The following ADAM12 variants were observed in gnomAD, a reference collection of about 807,000 sequenced individuals.
The protein encoded by ADAM12 is ADAM metallopeptidase domain 12.
A neutral mutation model predicts 106.4 loss-of-function variants in ADAM12; 70 were observed. The observed-to-expected ratio is 0.66, with a 90% CI of 0.54 to 0.80. The LOEUF is 0.80. Among genes scored for constraint, ADAM12 ranks in the 30% least tolerant of loss-of-function variants. ADAM12 has a pLI of 0.00. For synonymous variants in ADAM12, 420 were observed against 433.5 expected, an observed-to-expected ratio of 0.97 and a Z score of 0.39; for missense variants, 1,010 against 1,171.9, an observed-to-expected ratio of 0.86 and a Z score of 2.02.
intron 18 of ADAM12, 108 bp from the exon 19 acceptor site, chr10:126,039,537 AAG>A (rs1460996984): frequency 2.2e-6 from 3 of 1,363,670 alleles, no homozygotes; most frequent in East Asian, 4.8e-5. Flanking sequence ...AACAGAAATG[AAG>A]AGAGTACACC....
intron 1 of ADAM12, among the ~76,000 whole-genome samples, chr10:126,343,991 AG>A (rs910343294): frequency 6.6e-6 from 1 of 152,180 alleles, no homozygotes; most frequent in Non-Finnish European, 1.5e-5. Context: ...CTCTGATGGT[AG>A]TTTCTTTTGC....
At chr10:126,130,624 G>A (rs1011884207) in intron 5 of ADAM12, among the ~76,000 whole-genome samples, 9 of 152,202 alleles carry the variant, frequency 5.9e-5, no homozygotes, top group African/African-American at 1.9e-4. Context: ...TCTGGCCAGC[G>A]AGGTCGTCAC....
intron 3 of ADAM12, among the ~76,000 whole-genome samples, chr10:126,178,608 T>C (rs140894114): frequency 6.6e-6 from 1 of 152,158 alleles, no homozygotes; most frequent in African/African-American, 2.4e-5. Flanking sequence ...AGAAACAGGC[T>C]TCAGAGAGAA....
At position 126,208,650 on chromosome 10, in the gene ADAM12, C is replaced by T. The variant is rs370542524; in HGVS notation, c.261-53345G>A. On this transcript the variant is annotated intron_variant, in intron 3 of 22. Transcript: ENST00000448723. ...CATGTTTATTGGGGGATAAAATCTACACTCCAAAATTCAGGTAGAAGAGAA... is the reference window on the plus strand; with the variant it reads ...CATGTTTATTGGGGGATAAAATCTATACTCCAAAATTCAGGTAGAAGAGAA... Among the ~76,000 whole-genome samples the T allele has an allele frequency of 2.6e-5, 4 of 152,160 alleles. No homozygotes were observed. In the East Asian group the frequency reaches 5.8e-4, roughly 22 times the overall value.
intron 11 of ADAM12, among the ~76,000 whole-genome samples, chr10:126,072,336 C>T (rs1026435031): frequency 1.3e-5 from 2 of 152,176 alleles, no homozygotes; most frequent in Non-Finnish European, 2.9e-5. Context: ...TTATGCTCCC[C>T]TTCTGTGCTC....
At chr10:126,146,242 G>T (rs1350531654) in intron 4 of ADAM12, among the ~76,000 whole-genome samples, 1 of 152,234 alleles carries the variant, frequency 6.6e-6, no homozygotes, top group Non-Finnish European at 1.5e-5. Flanking sequence ...CACTGGTGTT[G>T]AGTGCCTCGG....
chr10:126,251,623 T>TG (rs1958758683), intron 3 of ADAM12, among the ~76,000 whole-genome samples: 3 of 139,404 alleles, frequency 2.2e-5, no homozygotes, highest in Non-Finnish European at 4.7e-5. Flanking sequence ...CATGGATAGA[T>TG]GAATGGATGG....
chr10:126,221,790 C>T (rs1958099500), intron 3 of ADAM12, among the ~76,000 whole-genome samples: 1 of 152,174 alleles, frequency 6.6e-6, no homozygotes. Context: ...TTCTCATTCT[C>T]CCCAAAGAAT....
chr10:126,165,812 G>A (rs1407964667), intron 3 of ADAM12, among the ~76,000 whole-genome samples: 2 of 152,126 alleles, frequency 1.3e-5, no homozygotes, highest in Non-Finnish European at 2.9e-5. Flanking sequence ...CTCTTCACAC[G>A]CAATTCAATT....
intron 3 of ADAM12, among the ~76,000 whole-genome samples, chr10:126,193,634 C>T (rs954554023): frequency 2.6e-5 from 4 of 152,094 alleles, no homozygotes; most frequent in Admixed American, 6.6e-5. Context: ...CGGTGGCTCA[C>T]GCCTGTAATC....
Position 126,041,301 on chromosome 10 carries a change from C to T in ADAM12, c.2104+1739G>A, listed in dbSNP as rs908643119. 1.1e-4 allele frequency: 110 copies of T among 984,584 alleles called. No individual in the cohort carries two copies. The African/African-American group carries it at 1.7e-3, about 15-fold the overall frequency. 61.0% of individuals were successfully genotyped at this position (984,584 alleles called of 1,614,324 possible). On this transcript the variant is annotated intron_variant, in intron 18 of 22. Transcript: ENST00000448723. Reference sequence around the variant, plus strand: ...GCAGTGAGCCATGCTTGCTCATGGCCTGCCTTGATTTTATATATGTATGAA... The same window carrying T: ...GCAGTGAGCCATGCTTGCTCATGGCTTGCCTTGATTTTATATATGTATGAA...
intron 3 of ADAM12, among the ~76,000 whole-genome samples, chr10:126,273,595 T>C (rs922370781): frequency 6.6e-5 from 10 of 152,154 alleles, no homozygotes; most frequent in Non-Finnish European, 1.2e-4. Flanking sequence ...GTAAGAACCC[T>C]ACAGCAGCTG....
chr10:126,073,351 G>C (rs959701920), intron 11 of ADAM12, among the ~76,000 whole-genome samples: 1 of 152,032 alleles, frequency 6.6e-6, no homozygotes, highest in Non-Finnish European at 1.5e-5. Flanking sequence ...GCCTCCCAAA[G>C]TGCTGGGATT....
chr10:126,116,349 A>G (rs1565069639), intron 6 of ADAM12, among the ~76,000 whole-genome samples: 1 of 152,204 alleles, frequency 6.6e-6, no homozygotes, highest in Non-Finnish European at 1.5e-5. Flanking sequence ...CGGTAAAGCT[A>G]CAGCTTAATC....
intron 1 of ADAM12, among the ~76,000 whole-genome samples, chr10:126,344,793 T>C (rs1855071297): frequency 6.6e-6 from 1 of 152,306 alleles, no homozygotes; most frequent in African/African-American, 2.4e-5. Flanking sequence ...CAATTGTGAA[T>C]GGGAGTTCAC....
chr10:126,043,651 C>T lies in ADAM12; in HGVS notation c.1996-503G>A, dbSNP rs2133419477. On this transcript the variant is annotated intron_variant, in intron 17 of 22. Transcript: ENST00000448723. This position sits in a 1 kb window ranked among gnomAD's most constrained non-coding sequence, Gnocchi z 4.1. ...TCCCACGCCAGGCTGGGGTCCGAGG[C>T]AGGCCCCCCGTTTCCTGAGCAAAGG... Among the ~76,000 whole-genome samples, 1 of 152,316 alleles carries T rather than the reference C, an allele frequency of 6.6e-6. No individual in the cohort carries two copies. Among genetic ancestry groups the T allele is most frequent in the South Asian group, 2.1e-4 (1 of 4,834 alleles).
At chr10:126,318,238 A>G (rs1853956167) in intron 2 of ADAM12, among the ~76,000 whole-genome samples, 1 of 151,998 alleles carries the variant, frequency 6.6e-6, no homozygotes, top group Non-Finnish European at 1.5e-5. Flanking sequence ...TCTCTCTCAC[A>G]CACACTCTCA....
chr10:126,302,412 T>A (rs1284321752), intron 2 of ADAM12, among the ~76,000 whole-genome samples: 3 of 152,200 alleles, frequency 2.0e-5, no homozygotes, highest in African/African-American at 7.2e-5. Flanking sequence ...TTTTAGAAAG[T>A]AATTGGTCTT....
At chr10:126,106,683 A>G (rs558052629) in intron 8 of ADAM12, among the ~76,000 whole-genome samples, 27 of 151,798 alleles carry the variant, frequency 1.8e-4, no homozygotes, top group African/African-American at 6.3e-4. Flanking sequence ...ACGGGGTTTC[A>G]CCATGTTGGC....
Sources: gnomAD v4.1 joint callset for allele counts (sites outside exome capture counted in the v4.1 genomes callset) on GRCh38, gnomAD v4.1.1 for gene constraint, Gnocchi (gnomAD v3.1) non-coding constraint, MANE v1.5 for transcripts, NCBI Gene and HGNC (gene_info 2026-07-23, HGNC 2026-07-21) for gene names.